The following SAMD13 variants were observed in gnomAD, a reference collection of about 807,000 sequenced individuals.
SAMD13 encodes sterile alpha motif domain containing 13.
SAMD13 carries 9 observed loss-of-function variants against 12.4 expected under a neutral mutation model. The observed-to-expected ratio is 0.72, with a 90% CI of 0.44 to 1.26. The LOEUF is 1.26. Ranked by LOEUF, SAMD13 falls within the 50% of genes most tolerant of loss-of-function variation. The pLI, the probability that SAMD13 is intolerant of heterozygous loss-of-function variation, is 0.00. For missense variants in SAMD13, 84 were observed against 119.6 expected (o/e 0.70, Z 1.39); for synonymous variants, 46 against 45.4 (o/e 1.01, Z -0.05).
At chr1:84,301,656 G>C, upstream of SAMD13, 2 of 985,438 alleles carry the variant, frequency 2.0e-6, no homozygotes, top group South Asian at 4.7e-5. Flanking sequence ...TGTTGGCTGA[G>C]AGCCAGCCTG....
At chr1:84,311,205 G>T (rs2101792691) in intron 2 of SAMD13, among the ~76,000 whole-genome samples, 1 of 151,782 alleles carries the variant, frequency 6.6e-6, no homozygotes, top group East Asian at 1.9e-4. Flanking sequence ...GCATGGTAGT[G>T]GGCACCTGCA....
intron 3 of SAMD13, among the ~76,000 whole-genome samples, chr1:84,339,263 GTTTTGTT>G (rs1331624706): frequency 1.3e-5 from 2 of 151,398 alleles, no homozygotes; most frequent in Non-Finnish European, 3.0e-5. Flanking sequence ...TTTTTGTTTT[GTTTTGTT>G]TTTTGTTTTT....
At chr1:84,315,659 A>G (rs989304706) in intron 2 of SAMD13, among the ~76,000 whole-genome samples, 3 of 152,220 alleles carry the variant, frequency 2.0e-5, no homozygotes, top group Non-Finnish European at 4.4e-5. Context: ...ATCTTGGTGA[A>G]TAGCATTGCT....
chr1:84,343,766 C>G lies in SAMD13; in HGVS notation c.166-5865C>G, dbSNP rs1034210312. On this transcript the variant is annotated intron_variant, in intron 3 of 3. Coordinates refer to ENST00000394834, the MANE Select transcript of SAMD13 (RefSeq NM_001134663.2). Reference sequence around the variant, plus strand: ...AGCTAATGCATGCTGGGCTTAATACCTAGGTGATAGGTTGATAGTGCAACA... The same window carrying G: ...AGCTAATGCATGCTGGGCTTAATACGTAGGTGATAGGTTGATAGTGCAACA... 1.8e-4 allele frequency among the ~76,000 whole-genome samples: 28 copies of G among 152,118 alleles called. 1 individual carries two copies. Among genetic ancestry groups the G allele is most frequent in the Middle Eastern group, 6.8e-3 (2 of 294 alleles).
At chr1:84,305,392 G>A (rs538604837) in intron 2 of SAMD13, among the ~76,000 whole-genome samples, 3 of 151,988 alleles carry the variant, frequency 2.0e-5, no homozygotes, top group South Asian at 4.2e-4. Flanking sequence ...TATATATTAT[G>A]AATATGTCCT....
intron 2 of SAMD13, among the ~76,000 whole-genome samples, chr1:84,321,609 T>C (rs2101801661): frequency 6.6e-6 from 1 of 152,292 alleles, no homozygotes; most frequent in East Asian, 1.9e-4. Context: ...TATGCATAGG[T>C]CATAAGAAAA....
chr1:84,319,332 A>G (rs1678894284), intron 2 of SAMD13, among the ~76,000 whole-genome samples: 1 of 152,156 alleles, frequency 6.6e-6, no homozygotes, highest in Non-Finnish European at 1.5e-5. Flanking sequence ...TCTGCTTGAA[A>G]GGAGTGTTCT....
At chr1:84,346,717 C>T (rs2101822703) in intron 3 of SAMD13, among the ~76,000 whole-genome samples, 1 of 152,326 alleles carries the variant, frequency 6.6e-6, no homozygotes, top group South Asian at 2.1e-4. Context: ...ATTTGGATTT[C>T]ACTTGCATCC....
intron 3 of SAMD13, among the ~76,000 whole-genome samples, chr1:84,327,533 G>T (rs1442762946): frequency 6.6e-6 from 1 of 152,066 alleles, no homozygotes; most frequent in Non-Finnish European, 1.5e-5. Context: ...AGGTATGCAT[G>T]GGTCACTGCT....
At chr1:84,315,441 A>G (rs1678812566) in intron 2 of SAMD13, among the ~76,000 whole-genome samples, 1 of 152,132 alleles carries the variant, frequency 6.6e-6, no homozygotes, top group Admixed American at 6.5e-5. Context: ...AGGTTAAATA[A>G]TATCTCATTG....
At chr1:84,305,720 G>C (rs1367974941) in intron 2 of SAMD13, among the ~76,000 whole-genome samples, 1 of 152,122 alleles carries the variant, frequency 6.6e-6, no homozygotes, top group African/African-American at 2.4e-5. Context: ...GCTTTGTGTG[G>C]TGGTGGTAGT....
Position 84,323,372 on chromosome 1 carries a change from T to G in SAMD13, c.54-2265T>G, listed in dbSNP as rs1678986089. On this transcript the variant is annotated intron_variant, in intron 2 of 3. Transcript: ENST00000394834. ...AGTAACATTAGGGTGAAAAATAGTT[T>G]TCTTCTCGATGTATATTGCCTGTTA... Among the ~76,000 whole-genome samples the G allele has an allele frequency of 3.9e-5, 6 of 152,154 alleles. No homozygotes were observed. The South Asian group carries it at 1.2e-3, about 32-fold the overall frequency.
intron 1 of SAMD13, chr1:84,302,570 A>T: frequency 1.7e-6 from 1 of 604,344 alleles, no homozygotes. Context: ...ACACACACAC[A>T]CACACACCAG....
At chr1:84,302,933 A>G (rs1229293675) in intron 1 of SAMD13, 1 of 310,110 alleles carries the variant, frequency 3.2e-6, no homozygotes, top group Non-Finnish European at 6.2e-6. Flanking sequence ...TTCACACAGC[A>G]CTTGTTTTCA....
At chr1:84,328,580 GAT>G (rs1679109013) in intron 3 of SAMD13, among the ~76,000 whole-genome samples, 1 of 152,158 alleles carries the variant, frequency 6.6e-6, no homozygotes, top group Non-Finnish European at 1.5e-5. Flanking sequence ...AGGATGGTAA[GAT>G]AAGTCGCTGC....
intron 3 of SAMD13, chr1:84,344,978 T>C (rs771000767): frequency 7.0e-5 from 32 of 456,572 alleles, no homozygotes; most frequent in Non-Finnish European, 1.3e-4. Flanking sequence ...CAGGTGATGA[T>C]TTTTCCCTTG....
intron 2 of SAMD13, among the ~76,000 whole-genome samples, chr1:84,323,677 T>C (rs1202252278): frequency 6.6e-6 from 1 of 152,208 alleles, no homozygotes; most frequent in Admixed American, 6.5e-5. Context: ...ATGAGGTGGC[T>C]GGATCCTTGA....
intron 3 of SAMD13, among the ~76,000 whole-genome samples, chr1:84,331,354 A>AAAAAAAAAAC (rs553761794): frequency 1.2e-5 from 1 of 82,432 alleles, no homozygotes; most frequent in African/African-American, 4.3e-5. Flanking sequence ...AAAAAAAAAA[A>AAAAAAAAAAC]AAAATTATGG....
At chr1:84,333,980 T>A (rs1275999503) in intron 3 of SAMD13, among the ~76,000 whole-genome samples, 4 of 152,166 alleles carry the variant, frequency 2.6e-5, no homozygotes, top group Admixed American at 6.6e-5. Flanking sequence ...GATTTTTGCA[T>A]CAATGTTCAT....
Sources: allele counts gnomAD v4.1 joint callset (sites outside exome capture counted in the v4.1 genomes callset), GRCh38; gene constraint gnomAD v4.1.1; transcripts MANE v1.5; gene names NCBI Gene and HGNC (gene_info 2026-07-23, HGNC 2026-07-21).